DDX52: variants seen among roughly 807,000 people sequenced by gnomAD.
DDX52 encodes DExD-box helicase 52.
DDX52 carries 59 observed loss-of-function variants against 76.1 expected under a neutral mutation model. That is an observed-to-expected ratio of 0.78 (90% CI 0.63 to 0.96). The LOEUF (loss-of-function observed/expected upper bound fraction) is 0.96. Ranked by LOEUF, DDX52 falls within the 40% of genes least tolerant of loss-of-function variation. The probability of loss-of-function intolerance (pLI) is 0.00; values close to 1 mark genes in which losing one functional copy is unlikely to be tolerated. For synonymous variants in DDX52, 231 were observed against 244.1 expected (o/e 0.95, Z 0.50); for missense variants, 707 against 703.9 (o/e 1.00, Z -0.05).
At chr17:37,635,465 A>G in intron 2 of DDX52, 1 of 378,310 alleles carries the variant, frequency 2.6e-6, no homozygotes, top group Non-Finnish European at 5.2e-6. Context: ...GAATCATGTC[A>G]TATGTACTAA....
chr17:37,627,121 T>G (rs932527396), intron 6 of DDX52, among the ~76,000 whole-genome samples: 9 of 152,206 alleles, frequency 5.9e-5, no homozygotes, highest in Non-Finnish European at 1.2e-4. Flanking sequence ...CTTCAAACTC[T>G]TGGGCTCAAG....
intron 8 of DDX52, 142 bp from the exon 9 acceptor site, chr17:37,624,576 A>G (rs2030269327): frequency 6.6e-6 from 3 of 451,528 alleles, no homozygotes; most frequent in Admixed American, 4.3e-5. Flanking sequence ...TGAATTATTT[A>G]TACTTTAACT....
intron 7 of DDX52, 134 bp downstream of exon 7, chr17:37,626,654 T>C (rs2030389999): frequency 2.5e-6 from 2 of 807,862 alleles, no homozygotes; most frequent in Non-Finnish European, 4.0e-6. Flanking sequence ...TAAAAAACCA[T>C]TATTCTCAGT....
rs974716941 is a variant in DDX52, at chr17:37,643,411, G to A, written c.10C>T (p.His4Tyr). 1.2e-5 allele frequency: 20 copies of A among 1,613,944 alleles called. No individual in the cohort carries two copies. Among genetic ancestry groups the A allele is most frequent in the Non-Finnish European group, 1.5e-5 (18 of 1,179,922 alleles). The change falls in exon 1 of 15, where the codon CAC becomes TAC. Residue 4 changes from histidine to tyrosine, a missense_variant. Transcript: ENST00000617633. ...GCGCCGAGCCGGCGAAAGAGATCGT[G>A]GACGTCCATCTTTACCCAGAAAGCG... MDVHDLFRRLGAGA... is the reference protein window; with the variant it reads MDVYDLFRRLGAGA...
chr17:37,638,626 T>C (rs1356091784), intron 2 of DDX52, among the ~76,000 whole-genome samples: 1 of 152,238 alleles, frequency 6.6e-6, no homozygotes, highest in Non-Finnish European at 1.5e-5. Flanking sequence ...AAGACAATTA[T>C]GTTATTAAGA....
At chr17:37,639,871 T>G (rs1568611680) in intron 2 of DDX52, among the ~76,000 whole-genome samples, 1 of 152,254 alleles carries the variant, frequency 6.6e-6, no homozygotes, top group Non-Finnish European at 1.5e-5. Flanking sequence ...ATCCTTTTCC[T>G]AAGTTTGTGG....
intron 7 of DDX52, 74 bp from the exon 8 acceptor site, chr17:37,626,172 T>G: frequency 6.6e-7 from 1 of 1,506,942 alleles, no homozygotes; most frequent in Non-Finnish European, 9.1e-7. Flanking sequence ...GTGGGGACAG[T>G]GGACACATGA....
intron 14 of DDX52, among the ~76,000 whole-genome samples, chr17:37,617,581 A>C (rs2029876595): frequency 6.6e-6 from 1 of 152,228 alleles, no homozygotes; most frequent in South Asian, 2.1e-4. Context: ...TACTTCTTAC[A>C]GGTGTTACAA....
At chr17:37,625,874 T>C (rs890839032) in intron 8 of DDX52, 21 bp downstream of exon 8, 1 of 1,613,338 alleles carries the variant, frequency 6.2e-7, no homozygotes, top group Non-Finnish European at 8.5e-7. Context: ...AGTGTGATAA[T>C]GTTGAGAAAC....
intron 7 of DDX52, among the ~76,000 whole-genome samples, 178 bp from the exon 8 acceptor site, chr17:37,626,276 T>C (rs140912747): frequency 1.4e-3 from 220 of 152,130 alleles, no homozygotes; most frequent in Non-Finnish European, 2.7e-3. Flanking sequence ...TTTGGCTGTG[T>C]ATCCCCACCC....
At chr17:37,640,048 C>T (rs1288218940) in intron 2 of DDX52, among the ~76,000 whole-genome samples, 2 of 152,180 alleles carry the variant, frequency 1.3e-5, no homozygotes, top group African/African-American at 4.8e-5. Flanking sequence ...TGATGGGCTA[C>T]TATGCTGTGT....
chr17:37,624,487 C>A, intron 8 of DDX52, 53 bp from the exon 9 acceptor site: 1 of 1,404,384 alleles, frequency 7.1e-7, no homozygotes, highest in East Asian at 2.4e-5. Flanking sequence ...TGCTTTTTCC[C>A]CTGAACTCTA....
At chr17:37,640,902 T>G (rs904193581) in intron 2 of DDX52, among the ~76,000 whole-genome samples, 1 of 151,852 alleles carries the variant, frequency 6.6e-6, no homozygotes, top group Non-Finnish European at 1.5e-5. Context: ...AAGAATCACT[T>G]GAACCTGGGA....
intron 6 of DDX52, among the ~76,000 whole-genome samples, chr17:37,627,535 A>G (rs758310943): frequency 2.0e-5 from 3 of 151,942 alleles, no homozygotes; most frequent in Non-Finnish European, 4.4e-5. Flanking sequence ...CATGAGCCAC[A>G]ATACCCAGCC....
chr17:37,639,883 G>A (rs1015470830), intron 2 of DDX52, among the ~76,000 whole-genome samples: 5 of 152,038 alleles, frequency 3.3e-5, no homozygotes, highest in Non-Finnish European at 5.9e-5. Flanking sequence ...AGTTTGTGGC[G>A]TGTCTTTCTT....
intron 14 of DDX52, among the ~76,000 whole-genome samples, chr17:37,617,566 A>G (rs945486068): frequency 6.6e-6 from 1 of 152,242 alleles, no homozygotes; most frequent in African/African-American, 2.4e-5. Flanking sequence ...AATTTACCTA[A>G]GTAATACTTC....
At chr17:37,622,805 C>T (rs1311513735) in intron 9 of DDX52, among the ~76,000 whole-genome samples, 1 of 152,084 alleles carries the variant, frequency 6.6e-6, no homozygotes, top group East Asian at 1.9e-4. Flanking sequence ...TTCCTAGTAC[C>T]AAATGATTCT....
rs1467186800 is a variant in DDX52 at position 37,629,264 on chromosome 17, CACACACACACACAT to C, written c.748-606_748-593del. Among the ~76,000 whole-genome samples the C allele has an allele frequency of 3.3e-3, 475 of 142,624 alleles. 1 individual carries two copies. Among genetic ancestry groups the C allele is most frequent in the African/African-American group, 0.012 (431 of 36,736 alleles). 93.6% of individuals were successfully genotyped at this position (142,624 alleles called of 152,430 possible). A position where few individuals can be genotyped will look rare whatever the true frequency, so the allele number is the denominator to read the frequency against. On this transcript the variant is annotated intron_variant, in intron 5 of 14. Transcript: ENST00000617633. ...ACACACACACACACACACACACACACACACACACACACATAGTACTATTACAAGACTATTTCATA... is the reference window on the plus strand; with the variant it reads ...ACACACACACACACACACACACACACAGTACTATTACAAGACTATTTCATA...
chr17:37,634,009 G>A (rs112105838), intron 2 of DDX52, among the ~76,000 whole-genome samples: 2 of 148,562 alleles, frequency 1.3e-5, no homozygotes, highest in African/African-American at 2.5e-5. Flanking sequence ...GCAGTGGTGC[G>A]ATCTCGGCTC....
Sources: allele counts gnomAD v4.1 joint callset (sites outside exome capture counted in the v4.1 genomes callset), GRCh38; gene constraint gnomAD v4.1.1; transcripts MANE v1.5; gene names NCBI Gene and HGNC (gene_info 2026-07-23, HGNC 2026-07-21).